LDLRAD3: variants seen among roughly 807,000 people sequenced by gnomAD.
LDLRAD3 encodes the protein low-density lipoprotein receptor class A domain-containing protein 3.
In LDLRAD3, 20 loss-of-function variants were observed where a neutral mutation model predicts 29.4. That is an observed-to-expected ratio of 0.68 (90% CI 0.48 to 0.99). The LOEUF (loss-of-function observed/expected upper bound fraction) is 0.99. Ranked by LOEUF, LDLRAD3 falls within the 50% of genes least tolerant of loss-of-function variation. The probability of loss-of-function intolerance (pLI) is 0.00; values close to 1 mark genes in which losing one functional copy is unlikely to be tolerated. For missense variants in LDLRAD3, 420 were observed against 454.3 expected, an observed-to-expected ratio of 0.92 and a Z score of 0.69; for synonymous variants, 157 against 192.7, an observed-to-expected ratio of 0.81 and a Z score of 1.53.
chr11:35,944,090 G>T lies in LDLRAD3; in HGVS notation c.-9G>T. On this transcript the variant is annotated 5_prime_UTR_variant, in exon 1 of 6. Transcript: ENST00000315571. The surrounding 1 kb of genome is among the most constrained non-coding windows in gnomAD (Gnocchi z 4.9). ...AACGACGCCGGGCAGCGGGAGCGGCGGCCGCGCCATGTGGCTGCTGGGGCC... is the reference window on the plus strand; with the variant it reads ...AACGACGCCGGGCAGCGGGAGCGGCTGCCGCGCCATGTGGCTGCTGGGGCC... 9.3e-7 allele frequency: 1 copy of T among 1,076,546 alleles called. No individual in the cohort carries two copies. The highest frequency in any genetic ancestry group is 1.1e-6 in the Non-Finnish European group (1 of 889,464). 66.7% of individuals were successfully genotyped at this position (1,076,546 alleles called of 1,614,324 possible).
intron 2 of LDLRAD3, among the ~76,000 whole-genome samples, chr11:36,049,977 T>C (rs1336607078): frequency 6.6e-6 from 1 of 152,246 alleles, no homozygotes; most frequent in Non-Finnish European, 1.5e-5. Flanking sequence ...TCTCCTGCTC[T>C]TTCAGGATCT....
intron 2 of LDLRAD3, among the ~76,000 whole-genome samples, chr11:36,078,898 G>A (rs543024580): frequency 6.6e-5 from 10 of 152,300 alleles, no homozygotes; most frequent in South Asian, 2.1e-4. Context: ...TGAACCTGAC[G>A]CTTCCAGGGC....
intron 2 of LDLRAD3, among the ~76,000 whole-genome samples, chr11:36,078,969 G>A (rs571398262): frequency 2.4e-4 from 37 of 152,294 alleles, no homozygotes; most frequent in African/African-American, 8.2e-4. Context: ...GGGATACAGC[G>A]GAGAGCGAGG....
At chr11:36,098,566 A>G in intron 4 of LDLRAD3, 105 bp downstream of exon 4, 1 of 1,350,286 alleles carries the variant, frequency 7.4e-7, no homozygotes, top group Non-Finnish European at 1.0e-6. Context: ...CAAACACAAT[A>G]GCTCTGTTAG....
chr11:36,115,754 T>C (rs2133290995), intron 4 of LDLRAD3, among the ~76,000 whole-genome samples: 1 of 152,306 alleles, frequency 6.6e-6, no homozygotes, highest in Middle Eastern at 3.4e-3. Context: ...CCTCACTTCC[T>C]TGGCATGAGA....
intron 2 of LDLRAD3, among the ~76,000 whole-genome samples, chr11:36,043,222 G>A (rs1852405101): frequency 6.6e-6 from 1 of 152,204 alleles, no homozygotes; most frequent in Non-Finnish European, 1.5e-5. Flanking sequence ...TGAGGCACAA[G>A]ATTTACTTGA....
chr11:36,229,611 TCAGG>T lies in LDLRAD3; in HGVS notation c.*215_*218del. 4 of 524,650 alleles carry T rather than the reference TCAGG, an allele frequency of 7.6e-6. No homozygotes were observed. Among genetic ancestry groups the T allele is most frequent in the South Asian group, 3.4e-5 (1 of 29,850 alleles). 32.5% of individuals were successfully genotyped at this position (524,650 alleles called of 1,614,324 possible). A position where few individuals can be genotyped will look rare whatever the true frequency, so the allele number is the denominator to read the frequency against. ...CATGATCTGTTGTGCGTCTTTTCTG[TCAGG>T]TCACTCTTCCCTTGGGACCCGAGAT... On this transcript the variant is annotated 3_prime_UTR_variant, in exon 6 of 6. Transcript: ENST00000315571.
At chr11:36,129,289 C>T (rs1187052113) in intron 4 of LDLRAD3, among the ~76,000 whole-genome samples, 2 of 152,176 alleles carry the variant, frequency 1.3e-5, no homozygotes, top group African/African-American at 2.4e-5. Context: ...ATTTGGCTTG[C>T]AACTGTCGAT....
At chr11:36,173,629 T>A (rs942695368) in intron 4 of LDLRAD3, among the ~76,000 whole-genome samples, 5 of 152,098 alleles carry the variant, frequency 3.3e-5, no homozygotes, top group African/African-American at 1.2e-4. Flanking sequence ...CTATTGTGAA[T>A]AATGCCACAA....
intron 4 of LDLRAD3, among the ~76,000 whole-genome samples, chr11:36,159,798 T>C (rs112484026): frequency 0.013 from 1,962 of 151,646 alleles, 20 homozygotes; most frequent in Non-Finnish European, 0.019. Flanking sequence ...GGGACAAGAA[T>C]CAAGGTGGCA....
At chr11:36,064,148 G>A (rs1321703031) in intron 2 of LDLRAD3, among the ~76,000 whole-genome samples, 1 of 152,060 alleles carries the variant, frequency 6.6e-6, no homozygotes, top group Non-Finnish European at 1.5e-5. Context: ...TTATTCCTAA[G>A]TATTTTATTA....
At chr11:36,167,079 T>A (rs149048885) in intron 4 of LDLRAD3, among the ~76,000 whole-genome samples, 350 of 152,294 alleles carry the variant, frequency 2.3e-3, no homozygotes, top group African/African-American at 7.8e-3. Context: ...TAGAATGATA[T>A]TAATTTATTT....
intron 2 of LDLRAD3, among the ~76,000 whole-genome samples, chr11:36,046,591 A>G (rs529516481): frequency 4.6e-5 from 7 of 152,210 alleles, no homozygotes; most frequent in African/African-American, 1.7e-4. Flanking sequence ...TCTTAACTTC[A>G]TTATATCAGC....
chr11:36,041,784 C>T (rs1421025781), intron 2 of LDLRAD3, among the ~76,000 whole-genome samples: 10 of 152,100 alleles, frequency 6.6e-5, no homozygotes, highest in Admixed American at 5.9e-4. Context: ...CTTCCCAAGG[C>T]GGTTCATTTT....
chr11:36,093,860 A>G (rs1462900616), intron 3 of LDLRAD3, among the ~76,000 whole-genome samples: 2 of 152,174 alleles, frequency 1.3e-5, no homozygotes, highest in African/African-American at 2.4e-5. Context: ...AGGGCTTTTT[A>G]TGGACTCAGA....
At chr11:36,107,949 CATT>C (rs1853552544) in intron 4 of LDLRAD3, among the ~76,000 whole-genome samples, 1 of 152,256 alleles carries the variant, frequency 6.6e-6, no homozygotes, top group Admixed American at 6.5e-5. Context: ...TAAGAGCTAT[CATT>C]ATTTTATGTT....
chr11:36,164,251 T>G (rs1854484625), intron 4 of LDLRAD3, among the ~76,000 whole-genome samples: 1 of 152,222 alleles, frequency 6.6e-6, no homozygotes, highest in South Asian at 2.1e-4. Context: ...TTGGGTTTGC[T>G]CATCACAAGC....
chr11:35,944,812 C>T lies in LDLRAD3; in HGVS notation c.46+668C>T, dbSNP rs1851036255. The stretch of plus-strand genomic sequence containing the variant: ...CTTGCCCCGCGATGGGCGCCCTGAC[C>T]GGCGAGGGGCCCTGGGAGAGGACAC... On this transcript the variant is annotated intron_variant, in intron 1 of 5. Transcript: ENST00000315571. The surrounding 1 kb of genome is among the most constrained non-coding windows in gnomAD (Gnocchi z 4.9). Among the ~76,000 whole-genome samples, 2 of 152,230 alleles carry T rather than the reference C, an allele frequency of 1.3e-5. No individual in the cohort carries two copies. Among genetic ancestry groups the T allele is most frequent in the Admixed American group, 1.3e-4 (2 of 15,286 alleles).
chr11:36,151,460 C>T (rs114459959), intron 4 of LDLRAD3, among the ~76,000 whole-genome samples: 5 of 152,214 alleles, frequency 3.3e-5, no homozygotes, highest in Admixed American at 6.5e-5. Flanking sequence ...CGCCATTTTA[C>T]GAAGAAGGAA....
Sources: allele counts gnomAD v4.1 joint callset (sites outside exome capture counted in the v4.1 genomes callset), GRCh38; gene constraint gnomAD v4.1.1; non-coding constraint Gnocchi (gnomAD v3.1); transcripts MANE v1.5; gene names NCBI Gene and HGNC (gene_info 2026-07-23, HGNC 2026-07-21).